Variants in SLC22A9 observed in about 807,000 individuals in gnomAD.
SLC22A9 encodes the protein solute carrier family 22 member 9, also known as organic anion transporter 7.
Under a neutral mutation model 50.1 loss-of-function variants are expected in SLC22A9, and 64 were observed. That is an observed-to-expected ratio of 1.28 (90% CI 1.04 to 1.57). The LOEUF (loss-of-function observed/expected upper bound fraction) is 1.57. Among genes scored for constraint, SLC22A9 ranks in the 40% most tolerant of loss-of-function variants. The pLI is 0.00. For missense variants in SLC22A9, 757 were observed against 676.1 expected (o/e 1.12, Z -1.33); for synonymous variants, 261 against 242.5 (o/e 1.08, Z -0.71).
chr11:63,384,117 C>T (rs989219808), intron 6 of SLC22A9, among the ~76,000 whole-genome samples: 2 of 151,642 alleles, frequency 1.3e-5, no homozygotes, highest in East Asian at 1.9e-4. Flanking sequence ...TTTCAAATGA[C>T]CAAAATAAAT....
At position 63,408,661 on chromosome 11, in the gene SLC22A9, T is replaced by A. The variant is rs1055821259; in HGVS notation, c.1398-15T>A. ...TTTTTAACAGATATTCTTGTATTGC[T>A]GTTTCCACTCAAAGGGCAAGAGCTA... On this transcript the variant is annotated splice_polypyrimidine_tract_variant and intron_variant, in intron 8 of 9. Transcript: ENST00000279178. The A allele has an allele frequency of 6.2e-7, 1 of 1,601,614 alleles. No homozygotes were observed. The highest frequency in any genetic ancestry group is 1.3e-5 in the African/African-American group (1 of 74,636).
chr11:63,397,805 G>T (rs760993402), intron 6 of SLC22A9, among the ~76,000 whole-genome samples: 2 of 152,080 alleles, frequency 1.3e-5, no homozygotes, highest in Non-Finnish European at 1.5e-5. Flanking sequence ...CCCAGAGCAG[G>T]TCCCAAACTG....
At chr11:63,395,384 G>T (rs2014835478) in intron 6 of SLC22A9, among the ~76,000 whole-genome samples, 1 of 152,156 alleles carries the variant, frequency 6.6e-6, no homozygotes, top group African/African-American at 2.4e-5. Flanking sequence ...GCTAAAGGCT[G>T]TTGTTCAGGT....
intron 2 of SLC22A9, 61 bp downstream of exon 2, chr11:63,371,299 A>G: frequency 3.9e-6 from 5 of 1,284,990 alleles, no homozygotes; most frequent in Non-Finnish European, 4.5e-6. Context: ...ATGAAACATT[A>G]TTTCATCTAG....
chr11:63,407,859 G>A (rs546103286), intron 7 of SLC22A9, among the ~76,000 whole-genome samples: 14 of 152,278 alleles, frequency 9.2e-5, no homozygotes, highest in Admixed American at 3.9e-4. Flanking sequence ...TCTTGCTATG[G>A]CATATCTCTG....
intron 6 of SLC22A9, among the ~76,000 whole-genome samples, chr11:63,387,616 G>A (rs1405000441): frequency 1.3e-5 from 2 of 151,890 alleles, no homozygotes; most frequent in East Asian, 3.9e-4. Context: ...TTTTACTCCA[G>A]ATAGTTTCGA....
chr11:63,392,175 A>G (rs1202863807), intron 6 of SLC22A9, among the ~76,000 whole-genome samples: 1 of 151,994 alleles, frequency 6.6e-6, no homozygotes, highest in Non-Finnish European at 1.5e-5. Context: ...TGTATTTTCC[A>G]TGTCTGAAAT....
chr11:63,372,899 C>A (rs1298165417), intron 2 of SLC22A9, among the ~76,000 whole-genome samples: 1 of 152,054 alleles, frequency 6.6e-6, no homozygotes, highest in Admixed American at 6.6e-5. Context: ...AATTTCCCAA[C>A]TTGATCATAT....
At chr11:63,378,295 C>A (rs1469850952) in intron 5 of SLC22A9, among the ~76,000 whole-genome samples, 1 of 150,480 alleles carries the variant, frequency 6.6e-6, no homozygotes, top group African/African-American at 2.5e-5. Context: ...ACCCAATAGA[C>A]AGAGAAAAGG....
Position 63,371,380 on chromosome 11 carries a change from C to T in SLC22A9, c.506+142C>T, listed in dbSNP as rs113929556. The T allele has an allele frequency of 4.8e-4, 295 of 620,030 alleles. No individual in the cohort carries two copies. The Middle Eastern group carries it at 6.1e-3, about 13-fold the overall frequency. 38.4% of individuals were successfully genotyped at this position (620,030 alleles called of 1,614,324 possible). The stretch of plus-strand genomic sequence containing the variant: ...CAAACAGAAAAGGAAATTTTTAGTC[C>T]GTGTTTTGAGTGCTATTTTTAAAAT... On this transcript the variant is annotated intron_variant, in intron 2 of 9. Transcript: ENST00000279178.
chr11:63,393,248 T>C (rs774530445), intron 6 of SLC22A9, among the ~76,000 whole-genome samples: 56 of 152,202 alleles, frequency 3.7e-4, no homozygotes, highest in Admixed American at 2.2e-3. Context: ...TTTTTGCAGC[T>C]ACGATAAAAA....
intron 5 of SLC22A9, among the ~76,000 whole-genome samples, chr11:63,379,981 C>T (rs1009341175): frequency 3.3e-5 from 5 of 152,142 alleles, no homozygotes; most frequent in African/African-American, 1.2e-4. Context: ...ATCCACCTGC[C>T]TTGGCCTCCC....
intron 6 of SLC22A9, among the ~76,000 whole-genome samples, chr11:63,390,461 G>A (rs887027745): frequency 5.9e-5 from 9 of 152,082 alleles, no homozygotes; most frequent in African/African-American, 2.2e-4. Flanking sequence ...GTTTTTGCCA[G>A]GTTTGTCAAA....
chr11:63,376,247 C>G (rs2014459516), intron 5 of SLC22A9, among the ~76,000 whole-genome samples: 1 of 152,018 alleles, frequency 6.6e-6, no homozygotes, highest in Admixed American at 6.6e-5. Context: ...TGCCAGATTC[C>G]ATTCTTCCCT....
intron 8 of SLC22A9, 99 bp from the exon 9 acceptor site, chr11:63,408,577 T>G: frequency 9.6e-7 from 1 of 1,046,408 alleles, no homozygotes; most frequent in Non-Finnish European, 1.4e-6. Flanking sequence ...CACCTCTGTG[T>G]GTCTAAATGT....
At chr11:63,396,700 C>A (rs975225942) in intron 6 of SLC22A9, among the ~76,000 whole-genome samples, 1 of 152,144 alleles carries the variant, frequency 6.6e-6, no homozygotes, top group Non-Finnish European at 1.5e-5. Flanking sequence ...TCCAAAATTT[C>A]TGCTTCATTA....
chr11:63,405,809 T>C (rs918742128), intron 6 of SLC22A9, among the ~76,000 whole-genome samples: 1 of 152,142 alleles, frequency 6.6e-6, no homozygotes, highest in South Asian at 2.1e-4. Flanking sequence ...TGTGAGCAAA[T>C]TGGCTTTAGA....
intron 6 of SLC22A9, among the ~76,000 whole-genome samples, chr11:63,388,418 T>G (rs1008152408): frequency 1.3e-5 from 2 of 151,940 alleles, no homozygotes; most frequent in African/African-American, 4.8e-5. Context: ...TTTTTCAGCA[T>G]CAGTGGATAT....
intron 5 of SLC22A9, among the ~76,000 whole-genome samples, chr11:63,379,364 A>G (rs958728742): frequency 6.6e-6 from 1 of 152,218 alleles, no homozygotes; most frequent in African/African-American, 2.4e-5. Flanking sequence ...ACAAAACTCA[A>G]GTCAAGATAA....
Sources: allele counts gnomAD v4.1 joint callset (sites outside exome capture counted in the v4.1 genomes callset), GRCh38; gene constraint gnomAD v4.1.1; transcripts MANE v1.5; gene names NCBI Gene and HGNC (gene_info 2026-07-23, HGNC 2026-07-21).